Variants in SLC30A8 observed in about 807,000 individuals in gnomAD.
SLC30A8 encodes the protein solute carrier family 30 member 8.
A neutral mutation model predicts 36.9 loss-of-function variants in SLC30A8; 27 were observed. The observed-to-expected ratio is 0.73, with a 90% CI of 0.54 to 1.01. The LOEUF (loss-of-function observed/expected upper bound fraction) is 1.01, where lower values mean the gene tolerates loss of function less well. Among genes scored for constraint, SLC30A8 ranks in the 50% least tolerant of loss-of-function variants. SLC30A8 has a pLI of 0.00. For synonymous variants in SLC30A8, 164 were observed against 172.4 expected (o/e 0.95, Z 0.38); for missense variants, 439 against 452.0 (o/e 0.97, Z 0.26).
At chr8:117,012,724 T>TACACACAC (rs376889831) in intron 1 of SLC30A8, among the ~76,000 whole-genome samples, 7,784 of 126,216 alleles carry the variant, frequency 0.062, 305 homozygotes, top group South Asian at 0.1. Flanking sequence ...GACATATGTA[T>TACACACAC]ACACACACAC....
At chr8:117,068,209 G>A (rs769969189) in intron 2 of SLC30A8, among the ~76,000 whole-genome samples, 1 of 152,090 alleles carries the variant, frequency 6.6e-6, no homozygotes, top group African/African-American at 2.4e-5. Flanking sequence ...AGCCAGACTC[G>A]AACCCAGTTT....
chr8:117,087,119 A>T, intron 2 of SLC30A8, among the ~76,000 whole-genome samples: 1 of 152,204 alleles, frequency 6.6e-6, no homozygotes, highest in East Asian at 1.9e-4. Context: ...CGGAAATGGA[A>T]TCTAGGGATA....
At chr8:117,002,254 T>C (rs181320356) in intron 1 of SLC30A8, among the ~76,000 whole-genome samples, 54 of 152,362 alleles carry the variant, frequency 3.5e-4, no homozygotes, top group African/African-American at 1.1e-3. Context: ...TACCATTTTT[T>C]GACTTAGATC....
chr8:117,071,748 A>C (rs1818336619), intron 2 of SLC30A8, among the ~76,000 whole-genome samples: 1 of 152,070 alleles, frequency 6.6e-6, no homozygotes, highest in African/African-American at 2.4e-5. Flanking sequence ...TAAGGATCTA[A>C]TTTTATTTAT....
intron 6 of SLC30A8, among the ~76,000 whole-genome samples, chr8:117,168,445 T>C (rs554968571): frequency 6.6e-6 from 1 of 152,302 alleles, no homozygotes; most frequent in African/African-American, 2.4e-5. Flanking sequence ...TGGGAAGTTA[T>C]TTATTAAACA....
intron 1 of SLC30A8, among the ~76,000 whole-genome samples, chr8:117,000,846 C>G (rs1322384120): frequency 1.3e-5 from 2 of 151,916 alleles, no homozygotes; most frequent in African/African-American, 4.8e-5. Context: ...TAATTTATCT[C>G]ATTTAAAATG....
chr8:116,999,877 T>C (rs907717201), intron 1 of SLC30A8, among the ~76,000 whole-genome samples: 3 of 152,170 alleles, frequency 2.0e-5, no homozygotes, highest in African/African-American at 7.2e-5. Flanking sequence ...AAAATAATTA[T>C]ATAGAATGTT....
chr8:117,084,029 T>C (rs1312728387), intron 2 of SLC30A8, among the ~76,000 whole-genome samples: 1 of 152,156 alleles, frequency 6.6e-6, no homozygotes. Flanking sequence ...AGCCCTTATA[T>C]ATTCAGTACT....
At chr8:117,060,412 G>A (rs953703614) in intron 2 of SLC30A8, among the ~76,000 whole-genome samples, 4 of 152,082 alleles carry the variant, frequency 2.6e-5, no homozygotes, top group Non-Finnish European at 4.4e-5. Flanking sequence ...GTCAGAATGA[G>A]AAATAAAGGA....
intron 3 of SLC30A8, among the ~76,000 whole-genome samples, chr8:117,157,306 A>T (rs1399064200): frequency 2.0e-5 from 3 of 152,130 alleles, no homozygotes; most frequent in Non-Finnish European, 4.4e-5. Context: ...CAAAATTAAG[A>T]GTTTCTAAAC....
chr8:117,145,255 C>T (rs1821846132), intron 1 of SLC30A8, among the ~76,000 whole-genome samples: 1 of 152,128 alleles, frequency 6.6e-6, no homozygotes, highest in African/African-American at 2.4e-5. Flanking sequence ...AATATGGAAT[C>T]TAATTATGTA....
At chr8:117,139,040 G>A (rs1313121453) in intron 1 of SLC30A8, among the ~76,000 whole-genome samples, 1 of 152,022 alleles carries the variant, frequency 6.6e-6, no homozygotes, top group Non-Finnish European at 1.5e-5. Context: ...GTTGCTTCAT[G>A]ATAGCAACAA....
chr8:117,056,522 G>A (rs115920339), intron 2 of SLC30A8, among the ~76,000 whole-genome samples: 2,712 of 143,576 alleles, frequency 0.019, 82 homozygotes, highest in African/African-American at 0.071. Flanking sequence ...TACAAGCATG[G>A]ATTTCTCTTT....
At chr8:117,170,152 C>A (rs1262500229) in intron 6 of SLC30A8, among the ~76,000 whole-genome samples, 2 of 152,134 alleles carry the variant, frequency 1.3e-5, no homozygotes, top group African/African-American at 4.8e-5. Flanking sequence ...TTTAATTGGT[C>A]TTGGGTGTAA....
rs1380048039 is a variant in SLC30A8 at position 117,163,542 on chromosome 8, T to G, written c.829+12T>G. ...CTTACTCATGGAAGGTAGGAGTGATTTTATTATTACTCCCAGAGTCAGTGT... is the reference window on the plus strand; with the variant it reads ...CTTACTCATGGAAGGTAGGAGTGATGTTATTATTACTCCCAGAGTCAGTGT... On this transcript the variant is annotated intron_variant, in intron 6 of 7. Coordinates refer to ENST00000456015, the MANE Select transcript of SLC30A8 (RefSeq NM_173851.3). 1 of 1,570,674 alleles carries G rather than the reference T, an allele frequency of 6.4e-7. No homozygotes were observed. Among genetic ancestry groups the G allele is most frequent in the African/African-American group, 1.4e-5 (1 of 73,800 alleles).
At chr8:117,132,093 T>A (rs750663242), upstream of SLC30A8, among the ~76,000 whole-genome samples, 2 of 152,034 alleles carry the variant, frequency 1.3e-5, no homozygotes, top group African/African-American at 2.4e-5. Context: ...ATGTCTGATT[T>A]AAAAAGATGG....
At chr8:117,138,782 G>C (rs186479242) in intron 1 of SLC30A8, among the ~76,000 whole-genome samples, 1 of 151,988 alleles carries the variant, frequency 6.6e-6, no homozygotes, top group Admixed American at 6.6e-5. Flanking sequence ...TGCTCCACTT[G>C]TGGAGCAAGA....
Position 117,126,201 on chromosome 8 carries a change from T to A in SLC30A8, c.-225-9079T>A, listed in dbSNP as rs540084145. ...TTGACAACTAGATCTCAAAGTACTT[T>A]GTGATTTTCTTTTTTATTTGATGAG... On this transcript the variant is annotated intron_variant, in intron 2 of 10. Transcript: ENST00000427715. Among the ~76,000 whole-genome samples, 3 of 152,150 alleles carry A rather than the reference T, an allele frequency of 2.0e-5. No individual in the cohort carries two copies. The East Asian group carries it at 5.8e-4, about 30-fold the overall frequency.
chr8:117,108,338 G>A lies in SLC30A8; in HGVS notation c.-225-26942G>A, dbSNP rs549795545. ...CCTACATGACAAGAATAAGCAGAATGGTGTTTAGAGTGATAGGTACCAATG... is the reference window on the plus strand; with the variant it reads ...CCTACATGACAAGAATAAGCAGAATAGTGTTTAGAGTGATAGGTACCAATG... On this transcript the variant is annotated intron_variant, in intron 2 of 10. Coordinates refer to the SLC30A8 transcript ENST00000427715. Among the ~76,000 whole-genome samples the A allele has an allele frequency of 2.6e-5, 4 of 152,274 alleles. No homozygotes were observed. In the East Asian group the frequency reaches 7.7e-4, roughly 29 times the overall value.
Sources: gnomAD v4.1 joint callset for allele counts (sites outside exome capture counted in the v4.1 genomes callset) on GRCh38, gnomAD v4.1.1 for gene constraint, MANE v1.5 for transcripts, NCBI Gene and HGNC (gene_info 2026-07-23, HGNC 2026-07-21) for gene names.